Variants in CTNNA3 observed in about 807,000 individuals in gnomAD.
The protein encoded by CTNNA3 is catenin alpha 3, also known as catenin alpha-3.
Under a neutral mutation model 95.7 loss-of-function variants are expected in CTNNA3, and 76 were observed. The observed-to-expected ratio is 0.79, with a 90% CI of 0.66 to 0.96. The LOEUF is 0.96. CTNNA3 is among the 40% of genes least tolerant of loss of function. The pLI is 0.00. For synonymous variants in CTNNA3, 431 were observed against 374.4 expected, an observed-to-expected ratio of 1.15 and a Z score of -1.74; for missense variants, 1,191 against 1,089.8, an observed-to-expected ratio of 1.09 and a Z score of -1.31.
intron 13 of CTNNA3, among the ~76,000 whole-genome samples, chr10:66,107,749 TATAA>T (rs1174131995): frequency 2.6e-5 from 4 of 152,174 alleles, no homozygotes; most frequent in African/African-American, 9.6e-5. Context: ...GCGCAGACTT[TATAA>T]ATATTTAATA....
intron 8 of CTNNA3, among the ~76,000 whole-genome samples, chr10:66,771,261 A>G (rs1456774348): frequency 6.6e-6 from 1 of 152,316 alleles, no homozygotes; most frequent in East Asian, 1.9e-4. Context: ...ACAAATACAA[A>G]TTTTAGCCTG....
chr10:67,066,235 C>G (rs1048427670), intron 7 of CTNNA3, among the ~76,000 whole-genome samples: 5 of 147,776 alleles, frequency 3.4e-5, no homozygotes, highest in African/African-American at 1.3e-4. Context: ...CTCCATCGCC[C>G]AGGCTAGAGT....
chr10:67,660,286 A>C (rs2133521536), intron 1 of CTNNA3, among the ~76,000 whole-genome samples: 1 of 152,354 alleles, frequency 6.6e-6, no homozygotes, highest in East Asian at 1.9e-4. Context: ...TCTATAGGAA[A>C]TAGATGACTT....
intron 9 of CTNNA3, among the ~76,000 whole-genome samples, chr10:66,728,741 C>T (rs1032357368): frequency 1.3e-5 from 2 of 152,094 alleles, no homozygotes; most frequent in Non-Finnish European, 2.9e-5. Flanking sequence ...GTGTGTGCAA[C>T]CATGCCCAGC....
intron 7 of CTNNA3, among the ~76,000 whole-genome samples, chr10:67,157,657 A>G (rs2132080362): frequency 6.6e-6 from 1 of 152,230 alleles, no homozygotes; most frequent in African/African-American, 2.4e-5. Flanking sequence ...AAAAACCAGG[A>G]ATTTGTTTTT....
chr10:67,516,801 A>T (rs75882798), intron 5 of CTNNA3, among the ~76,000 whole-genome samples: 2 of 152,062 alleles, frequency 1.3e-5, no homozygotes, highest in African/African-American at 2.4e-5. Context: ...TCTACCCTCT[A>T]CTTCTCTGAG....
chr10:65,942,325 G>A (rs57661231), intron 17 of CTNNA3, among the ~76,000 whole-genome samples: 2 of 152,182 alleles, frequency 1.3e-5, no homozygotes, highest in African/African-American at 2.4e-5. Context: ...TCAAGAGATC[G>A]AGACCATCCT....
At chr10:66,824,366 AAGTACAC>A (rs1842418749) in intron 7 of CTNNA3, among the ~76,000 whole-genome samples, 1 of 152,222 alleles carries the variant, frequency 6.6e-6, no homozygotes, top group Non-Finnish European at 1.5e-5. Context: ...TTGAAGCAAT[AAGTACAC>A]AGGTGACTGA....
chr10:67,639,220 A>G (rs58289573), intron 2 of CTNNA3, among the ~76,000 whole-genome samples: 13,189 of 152,262 alleles, frequency 0.087, 1,313 homozygotes, highest in African/African-American at 0.24. Context: ...AGAGAATACT[A>G]TAAACACCTG....
At chr10:67,226,106 A>G (rs1028958064) in intron 5 of CTNNA3, among the ~76,000 whole-genome samples, 9 of 152,222 alleles carry the variant, frequency 5.9e-5, no homozygotes, top group Non-Finnish European at 1.3e-4. Context: ...ATAGAACTGA[A>G]CAAGTAGAAG....
At chr10:66,146,021 T>C (rs1184420456) in intron 13 of CTNNA3, among the ~76,000 whole-genome samples, 1 of 152,136 alleles carries the variant, frequency 6.6e-6, no homozygotes, top group Non-Finnish European at 1.5e-5. Context: ...GCCCTGCTAA[T>C]GTTTGTGTTT....
intron 16 of CTNNA3, among the ~76,000 whole-genome samples, chr10:65,969,330 A>T (rs1000259592): frequency 1.3e-5 from 2 of 152,218 alleles, no homozygotes; most frequent in Non-Finnish European, 2.9e-5. Context: ...ATGCTTCAAG[A>T]TGAGAAAGAA....
At chr10:65,941,458 A>G (rs2077428840) in intron 17 of CTNNA3, among the ~76,000 whole-genome samples, 1 of 152,248 alleles carries the variant, frequency 6.6e-6, no homozygotes, top group Non-Finnish European at 1.5e-5. Context: ...ATGCCAAGTC[A>G]AGATGCCTGG....
intron 7 of CTNNA3, among the ~76,000 whole-genome samples, chr10:67,142,561 T>C (rs1470004657): frequency 6.6e-6 from 1 of 152,186 alleles, no homozygotes; most frequent in African/African-American, 2.4e-5. Flanking sequence ...ATGTAAAAAT[T>C]ACATTTACTC....
intron 15 of CTNNA3, among the ~76,000 whole-genome samples, chr10:66,059,405 A>C (rs2080150924): frequency 1.3e-5 from 2 of 152,268 alleles, no homozygotes; most frequent in South Asian, 4.1e-4. Context: ...CCAGAGTCTC[A>C]GATGCCTGAG....
At chr10:66,229,719 T>C (rs1017269993) in intron 13 of CTNNA3, among the ~76,000 whole-genome samples, 2 of 149,458 alleles carry the variant, frequency 1.3e-5, no homozygotes, top group Non-Finnish European at 3.0e-5. Context: ...GGGTTGAATT[T>C]ATTTGTAATT....
intron 7 of CTNNA3, among the ~76,000 whole-genome samples, chr10:67,008,143 G>T (rs1380884294): frequency 6.6e-6 from 1 of 151,490 alleles, no homozygotes; most frequent in Non-Finnish European, 1.5e-5. Context: ...ACTCCAAAAT[G>T]TATTGTGTAA....
intron 8 of CTNNA3, among the ~76,000 whole-genome samples, chr10:66,774,835 T>G: frequency 6.6e-6 from 1 of 152,316 alleles, no homozygotes; most frequent in Admixed American, 6.5e-5. Context: ...TGTGGCATCA[T>G]ACTAGACTTA....
intron 11 of CTNNA3, among the ~76,000 whole-genome samples, chr10:66,436,154 G>A (rs2093336178): frequency 6.6e-6 from 1 of 152,164 alleles, no homozygotes; most frequent in Non-Finnish European, 1.5e-5. Flanking sequence ...ATATTCTGTT[G>A]ATTTGAGGTG....
Sources: gnomAD v4.1 joint callset for allele counts (sites outside exome capture counted in the v4.1 genomes callset) on GRCh38, gnomAD v4.1.1 for gene constraint, MANE v1.5 for transcripts, NCBI Gene and HGNC (gene_info 2026-07-23, HGNC 2026-07-21) for gene names.